Variants in RBFOX1 observed in about 807,000 individuals in gnomAD.
RBFOX1 encodes the protein RNA binding fox-1 homolog 1.
In RBFOX1, 8 loss-of-function variants were observed where a neutral mutation model predicts 57.7. The ratio of observed to expected loss-of-function variants is 0.14; its 90% CI spans 0.08 to 0.25. The LOEUF (loss-of-function observed/expected upper bound fraction) is 0.25, where lower values mean the gene tolerates loss of function less well. RBFOX1 is among the 10% of genes least tolerant of loss of function. The probability of loss-of-function intolerance (pLI) is 1.00; values close to 1 mark genes in which losing one functional copy is unlikely to be tolerated. For synonymous variants in RBFOX1, 326 were observed against 222.4 expected, an observed-to-expected ratio of 1.47 and a Z score of -4.15; for missense variants, 611 against 548.5, an observed-to-expected ratio of 1.11 and a Z score of -1.14.
intron 3 of RBFOX1, among the ~76,000 whole-genome samples, chr16:6,779,782 TA>T (rs2080082444): frequency 1.2e-4 from 2 of 16,948 alleles, no homozygotes; most frequent in Admixed American, 1.6e-3. Context: ...TATTTATATA[TA>T]TTTTTATATA....
intron 3 of RBFOX1, among the ~76,000 whole-genome samples, chr16:7,002,795 G>A (rs762288479): frequency 6.6e-6 from 1 of 152,166 alleles, no homozygotes; most frequent in Non-Finnish European, 1.5e-5. Flanking sequence ...CTTTGTTTGA[G>A]GAATGTGTTG....
At chr16:6,311,549 G>A (rs889923072) in intron 1 of RBFOX1, among the ~76,000 whole-genome samples, 1 of 152,150 alleles carries the variant, frequency 6.6e-6, no homozygotes, top group Admixed American at 6.5e-5. Flanking sequence ...GGCAGGGAAA[G>A]GTGGTGCTTT....
intron 3 of RBFOX1, among the ~76,000 whole-genome samples, chr16:7,040,689 T>C (rs1406931075): frequency 6.6e-6 from 1 of 152,210 alleles, no homozygotes; most frequent in African/African-American, 2.4e-5. Context: ...ACCTTGTGTG[T>C]GTGCATAGTT....
intron 4 of RBFOX1, among the ~76,000 whole-genome samples, chr16:7,064,161 C>CTTTTTTTTTTTTTTTTTTTTTTT: frequency 1.0e-5 from 1 of 96,830 alleles, no homozygotes; most frequent in Non-Finnish European, 1.9e-5. Context: ...GACTGGTGTT[C>CTTTTTTTTTTTTTTTTTTTTTTT]TTTTTTTTTT....
intron 3 of RBFOX1, among the ~76,000 whole-genome samples, chr16:6,675,955 C>T (rs932502227): frequency 1.1e-4 from 16 of 152,012 alleles, no homozygotes; most frequent in Non-Finnish European, 2.4e-4. Flanking sequence ...ATCTCTGGAA[C>T]TTTGGACAAG....
At chr16:5,944,341 G>C (rs1214230995) in intron 4 of RBFOX1, among the ~76,000 whole-genome samples, 3 of 152,188 alleles carry the variant, frequency 2.0e-5, no homozygotes, top group African/African-American at 7.2e-5. Context: ...AGAGGCTGCA[G>C]GACTTTGGGA....
intron 1 of RBFOX1, among the ~76,000 whole-genome samples, chr16:6,086,355 T>C (rs12928388): frequency 0.42 from 63,274 of 152,036 alleles, 14,925 homozygotes; most frequent in Non-Finnish European, 0.55. Context: ...CTCACATTTT[T>C]CATGCGAGTG....
intron 4 of RBFOX1, among the ~76,000 whole-genome samples, chr16:7,389,888 G>C (rs1568575173): frequency 6.6e-6 from 1 of 152,054 alleles, no homozygotes; most frequent in Non-Finnish European, 1.5e-5. Flanking sequence ...AAGAAGATGG[G>C]GGTTGTAGTA....
chr16:7,217,950 G>A (rs879419187), intron 4 of RBFOX1, among the ~76,000 whole-genome samples: 1 of 151,748 alleles, frequency 6.6e-6, no homozygotes, highest in Non-Finnish European at 1.5e-5. Context: ...GTGTGTGTGT[G>A]TGCACATGTG....
rs535151721 is a variant in RBFOX1 at position 6,202,055 on chromosome 16, A to G, written c.-126-114940A>G. 5.6e-4 allele frequency among the ~76,000 whole-genome samples: 85 copies of G among 152,212 alleles called. 1 individual carries two copies. In the South Asian group the frequency reaches 5.8e-3, roughly 10 times the overall value. The stretch of plus-strand genomic sequence containing the variant: ...AACCAGCCCCTTCATCATGTGCCCA[A>G]CTGCATTAAAAACAAAACAAAACAA... On this transcript the variant is annotated intron_variant, in intron 1 of 15. Transcript: ENST00000550418.
intron 3 of RBFOX1, among the ~76,000 whole-genome samples, chr16:7,039,445 G>A (rs76505156): frequency 0.096 from 14,677 of 152,096 alleles, 1,170 homozygotes; most frequent in East Asian, 0.32. Context: ...TATTTTGTTC[G>A]TTTATGCAAC....
intron 2 of RBFOX1, among the ~76,000 whole-genome samples, chr16:5,491,057 A>G (rs190243774): frequency 6.6e-6 from 1 of 152,336 alleles, no homozygotes; most frequent in Non-Finnish European, 1.5e-5. Context: ...CCAATATCAA[A>G]TTCCATATAT....
chr16:7,681,606 A>G (rs1013974773), intron 14 of RBFOX1, among the ~76,000 whole-genome samples: 3 of 152,184 alleles, frequency 2.0e-5, no homozygotes, highest in African/African-American at 4.8e-5. Context: ...TTGTCAGCAT[A>G]TAAAGTATAT....
In RBFOX1 at chr16:7,653,918, G is replaced by C. The variant is rs1002091085; in HGVS notation, c.861G>C (p.Ala287=). The C allele has an allele frequency of 2.6e-6, 4 of 1,562,352 alleles. No individual in the cohort carries two copies. The highest frequency in any genetic ancestry group is 1.4e-5 in the African/African-American group (1 of 73,518). ...RTVYNTFRAA[A]PPPPIPAYGG... is the part of the protein sequence containing the mutation. ...TGTACAACACCTTCAGGGCCGCGGCGCCCCCGCCCCCGATCCCGGCCTACG... is the reference window on the plus strand; with the variant it reads ...TGTACAACACCTTCAGGGCCGCGGCCCCCCCGCCCCCGATCCCGGCCTACG... Residue 287 remains alanine (A), a synonymous_variant, in exon 12 of 16, where the codon GCG becomes GCC. Coordinates refer to ENST00000550418, the MANE Select transcript of RBFOX1 (RefSeq NM_018723.4).
At chr16:5,264,806 G>A (rs1466900641) in intron 1 of RBFOX1, among the ~76,000 whole-genome samples, 1 of 152,080 alleles carries the variant, frequency 6.6e-6, no homozygotes, top group African/African-American at 2.4e-5. Context: ...TTCCCTGCTT[G>A]GTGATACTCC....
At chr16:6,984,595 C>T (rs1032133002) in intron 3 of RBFOX1, among the ~76,000 whole-genome samples, 1 of 152,116 alleles carries the variant, frequency 6.6e-6, no homozygotes, top group Non-Finnish European at 1.5e-5. Flanking sequence ...TTATGCTGGA[C>T]AGAATCTTAG....
intron 3 of RBFOX1, among the ~76,000 whole-genome samples, chr16:5,672,345 T>C (rs1434821192): frequency 2.6e-5 from 4 of 152,132 alleles, no homozygotes; most frequent in Non-Finnish European, 5.9e-5. Context: ...GGCTCTTGAC[T>C]TCATGCCTGG....
At chr16:6,062,788 C>T (rs912349421) in intron 1 of RBFOX1, among the ~76,000 whole-genome samples, 1 of 151,866 alleles carries the variant, frequency 6.6e-6, no homozygotes, top group African/African-American at 2.4e-5. Context: ...TAGGAATTGT[C>T]TCATGTGCTT....
intron 4 of RBFOX1, among the ~76,000 whole-genome samples, chr16:7,070,744 C>T (rs968313396): frequency 1.3e-5 from 2 of 152,130 alleles, no homozygotes; most frequent in Admixed American, 6.5e-5. Flanking sequence ...GAATGTTTCC[C>T]AAAACTGGCC....
Sources: allele counts gnomAD v4.1 joint callset (sites outside exome capture counted in the v4.1 genomes callset), GRCh38; gene constraint gnomAD v4.1.1; transcripts MANE v1.5; gene names NCBI Gene and HGNC (gene_info 2026-07-23, HGNC 2026-07-21).